The following PDCD11 variants were observed in gnomAD, a reference collection of about 807,000 sequenced individuals.
PDCD11 encodes protein RRP5 homolog.
In PDCD11, 97 loss-of-function variants were observed where a neutral mutation model predicts 198.9. The ratio of observed to expected loss-of-function variants is 0.49; its 90% CI spans 0.41 to 0.58. The LOEUF is 0.58. PDCD11 is among the 20% of genes least tolerant of loss of function. The pLI is 0.00. For synonymous variants in PDCD11, 893 were observed against 918.0 expected (o/e 0.97, Z 0.49); for missense variants, 2,102 against 2,312.7 (o/e 0.91, Z 1.87).
rs569744740 is a variant in PDCD11, at chr10:103,445,617, A to G, written c.*68A>G. The G allele has an allele frequency of 1.8e-3, 2,467 of 1,348,476 alleles. 24 individuals are homozygous for G. Among genetic ancestry groups the G allele is most frequent in the Non-Finnish European group, 1.1e-3 (1,076 of 964,102 alleles). The allele number at this position is 1,348,476 out of a possible 1,614,324, so 83.5% of individuals were successfully genotyped here. A position where few individuals can be genotyped will look rare whatever the true frequency, so the allele number is the denominator to read the frequency against. The stretch of plus-strand genomic sequence containing the variant: ...CCGGCCCCGCCTCGAGTGCCTGGGC[A>G]CTCGGAAAACTGTTACCTCAGGACT... On this transcript the variant is annotated 3_prime_UTR_variant, in exon 36 of 36. Coordinates refer to ENST00000369797, the MANE Select transcript of PDCD11 (RefSeq NM_014976.2).
intron 4 of PDCD11, 77 bp from the exon 5 acceptor site, chr10:103,404,945 C>A: frequency 7.1e-7 from 1 of 1,405,286 alleles, no homozygotes; most frequent in Non-Finnish European, 9.8e-7. Flanking sequence ...TGAGAAGTCA[C>A]TGAGCCAAAG....
chr10:103,401,429 C>T (rs1044705970), intron 3 of PDCD11, among the ~76,000 whole-genome samples: 1 of 151,860 alleles, frequency 6.6e-6, no homozygotes, highest in Non-Finnish European at 1.5e-5. Flanking sequence ...TCTCACCACG[C>T]CTGGCTAATT....
At chr10:103,397,480 G>A (rs1413238645) in intron 1 of PDCD11, among the ~76,000 whole-genome samples, 1 of 152,190 alleles carries the variant, frequency 6.6e-6, no homozygotes, top group Non-Finnish European at 1.5e-5. Context: ...TTGTCTCCCA[G>A]GTTGGAGTGC....
At position 103,438,001 on chromosome 10, in the gene PDCD11, T is replaced by C. The variant is rs1430961789; in HGVS notation, c.3846-14T>C. On this transcript the variant is annotated splice_polypyrimidine_tract_variant and intron_variant, in intron 25 of 35. Coordinates refer to ENST00000369797, the MANE Select transcript of PDCD11 (RefSeq NM_014976.2). ...TGAAAATTGAGCGTTTCCTTCTCTT[T>C]TGCCTTCATTCAGATGTTACATCCT... 2 of 1,611,366 alleles carry C rather than the reference T, an allele frequency of 1.2e-6. No homozygotes were observed. The highest frequency in any genetic ancestry group is 2.2e-5 in the East Asian group (1 of 44,868).
In PDCD11 at chr10:103,420,056, C is replaced by T. The variant is rs534680761; in HGVS notation, c.2277+348C>T. ...TAAGTGATCCACCTGCCTCGGCCTC[C>T]CAAAGTGCTGCGATTACAGGTGTGA... On this transcript the variant is annotated intron_variant, in intron 16 of 35. Coordinates refer to ENST00000369797, the MANE Select transcript of PDCD11 (RefSeq NM_014976.2). Among the ~76,000 whole-genome samples, 488 of 151,414 alleles carry T rather than the reference C, an allele frequency of 3.2e-3. 1 individual carries two copies. Among genetic ancestry groups the T allele is most frequent in the Middle Eastern group, 6.8e-3 (2 of 292 alleles).
intron 33 of PDCD11, 87 bp downstream of exon 33, chr10:103,443,420 G>C: frequency 8.1e-7 from 1 of 1,234,912 alleles, no homozygotes; most frequent in East Asian, 2.6e-5. Flanking sequence ...GTCCAGTCCT[G>C]CTGTGAGCTT....
chr10:103,417,791 G>C lies in PDCD11; in HGVS notation c.1771-1G>C. ...GCCAAGCCTGTGTGGTTTCTTGCCA[G>C]GTGGTGAAGGTTGTCGTATTGAACT... On this transcript the variant is annotated splice_acceptor_variant, in intron 13 of 35. Coordinates refer to ENST00000369797, the MANE Select transcript of PDCD11 (RefSeq NM_014976.2). LOFTEE classifies it high-confidence loss of function. The C allele has an allele frequency of 4.3e-6, 7 of 1,613,184 alleles. No homozygotes were observed. Among genetic ancestry groups the C allele is most frequent in the Non-Finnish European group, 5.9e-6 (7 of 1,179,758 alleles).
rs541570974 is a variant in PDCD11, at chr10:103,427,965, A to T, written c.3368+574A>T. 2.0e-5 allele frequency among the ~76,000 whole-genome samples: 3 copies of T among 152,326 alleles called. No homozygotes were observed. In the South Asian group the frequency reaches 6.2e-4, roughly 32 times the overall value. On this transcript the variant is annotated intron_variant, in intron 21 of 35. Transcript: ENST00000369797. ...TGTGGCTCAGTCCTGGGATCCAGCC[A>T]GGTTGTAAATCTTAATGCACCTAGA...
At chr10:103,396,812 G>A (rs2093438529) in intron 1 of PDCD11, 82 bp downstream of exon 1, 1 of 152,320 alleles carries the variant, frequency 6.6e-6, no homozygotes, top group Non-Finnish European at 1.5e-5. Flanking sequence ...CCAGGCACAC[G>A]CTAGATGAGT....
chr10:103,427,295 G>A (rs1261769783), intron 20 of PDCD11, 34 bp from the exon 21 acceptor site: 1 of 1,579,762 alleles, frequency 6.3e-7, no homozygotes, highest in Admixed American at 1.7e-5. Flanking sequence ...TTACAGAGAT[G>A]AAGAGAAATG....
At chr10:103,424,588 A>T (rs149485777) in intron 19 of PDCD11, among the ~76,000 whole-genome samples, 9 of 152,316 alleles carry the variant, frequency 5.9e-5, no homozygotes, top group South Asian at 4.1e-4. Context: ...AAGAGTGATT[A>T]ATTGGGGGTG....
chr10:103,443,428 C>A, intron 33 of PDCD11, 95 bp downstream of exon 33: 3 of 1,150,974 alleles, frequency 2.6e-6, no homozygotes, highest in South Asian at 1.7e-5. Context: ...CTGCTGTGAG[C>A]TTGCCACCCA....
intron 4 of PDCD11, among the ~76,000 whole-genome samples, chr10:103,403,542 A>G (rs2030247507): frequency 6.6e-6 from 1 of 152,180 alleles, no homozygotes; most frequent in Non-Finnish European, 1.5e-5. Context: ...TATAACAGAG[A>G]GAAGGCTAGT....
At chr10:103,431,690 G>A (rs2031942335) in intron 21 of PDCD11, among the ~76,000 whole-genome samples, 1 of 151,922 alleles carries the variant, frequency 6.6e-6, no homozygotes. Flanking sequence ...AGGGCAGAGA[G>A]CCCTGGATTT....
chr10:103,436,187 G>C (rs2032147496), intron 25 of PDCD11, among the ~76,000 whole-genome samples: 1 of 152,026 alleles, frequency 6.6e-6, no homozygotes, highest in Non-Finnish European at 1.5e-5. Context: ...TGCAACCTCT[G>C]CCTCCTGGGT....
chr10:103,405,280 G>A, intron 5 of PDCD11, 97 bp downstream of exon 5: 1 of 1,203,304 alleles, frequency 8.3e-7, no homozygotes, highest in Non-Finnish European at 1.2e-6. Flanking sequence ...CAGCTCAATT[G>A]TGACACATAG....
intron 25 of PDCD11, among the ~76,000 whole-genome samples, 196 bp downstream of exon 25, chr10:103,435,171 CATAT>C (rs927206368): frequency 2.6e-5 from 4 of 151,860 alleles, no homozygotes; most frequent in Non-Finnish European, 4.4e-5. Context: ...GACTTTAATG[CATAT>C]ATATATAGTT....
intron 21 of PDCD11, among the ~76,000 whole-genome samples, chr10:103,431,750 C>T (rs1253657897): frequency 6.6e-6 from 1 of 152,110 alleles, no homozygotes; most frequent in African/African-American, 2.4e-5. Context: ...ATAAAATGGG[C>T]TTAATATCTC....
intron 2 of PDCD11, among the ~76,000 whole-genome samples, chr10:103,400,184 C>A (rs1564753578): frequency 6.6e-6 from 1 of 150,714 alleles, no homozygotes; most frequent in Non-Finnish European, 1.5e-5. Flanking sequence ...ATGAAGGAGG[C>A]TTCTCAGACC....
Sources: gnomAD v4.1 joint callset for allele counts (sites outside exome capture counted in the v4.1 genomes callset) on GRCh38, gnomAD v4.1.1 for gene constraint, MANE v1.5 for transcripts, NCBI Gene and HGNC (gene_info 2026-07-23, HGNC 2026-07-21) for gene names.